TJP3: variants seen among roughly 807,000 people sequenced by gnomAD.
TJP3 encodes tight junction protein ZO-3.
In TJP3, 85 loss-of-function variants were observed where a neutral mutation model predicts 104.2. That is an observed-to-expected ratio of 0.82 (90% CI 0.68 to 0.98). The LOEUF (loss-of-function observed/expected upper bound fraction) is 0.98. Among genes scored for constraint, TJP3 ranks in the 50% least tolerant of loss-of-function variants. The pLI is 0.00. For synonymous variants in TJP3, 550 were observed against 550.6 expected, an observed-to-expected ratio of 1.00 and a Z score of 0.02; for missense variants, 1,367 against 1,322.8, an observed-to-expected ratio of 1.03 and a Z score of -0.52.
In TJP3 at chr19:3,739,013, G is replaced by A. The variant is rs779807105; in HGVS notation, c.1510G>A (p.Val504Met). Residue 504 changes from valine (V) to methionine (M), a missense_variant, in exon 13 of 21, where the codon GTG (valine) becomes ATG (methionine). Transcript: ENST00000541714. ...CTTCACCCGTGGCGACGTCTTCCAC[G>A]TGCTGGACACGCTGCACCCCGGCCC... ...LGFTRGDVFH[V>M]LDTLHPGPGQ... 53 of 1,612,892 alleles carry A rather than the reference G, an allele frequency of 3.3e-5. No homozygotes were observed. The highest frequency in any genetic ancestry group is 4.2e-5 in the Non-Finnish European group (50 of 1,179,798).
intron 1 of TJP3, among the ~76,000 whole-genome samples, chr19:3,709,880 T>G (rs912062241): frequency 6.6e-6 from 1 of 152,140 alleles, no homozygotes; most frequent in Non-Finnish European, 1.5e-5. Flanking sequence ...CCGGGCGCGG[T>G]GGCTCACGCC....
rs1428714570 is a variant in TJP3, at chr19:3,717,994, T to C, written c.-10+9433T>C. 2.3e-4 allele frequency among the ~76,000 whole-genome samples: 34 copies of C among 148,494 alleles called. 1 individual carries two copies. The stretch of plus-strand genomic sequence containing the variant: ...ACTTAGGGAGGCCGAGGGGGGCGGA[T>C]CACAAGGTCAGGAGTTTGAGACCAT... On this transcript the variant is annotated intron_variant, in intron 1 of 20. Transcript: ENST00000541714.
In TJP3 at chr19:3,728,686, C is replaced by T. The variant is rs745722542; in HGVS notation, c.131C>T (p.Pro44Leu). 6.2e-7 allele frequency: 1 copy of T among 1,613,758 alleles called. No individual in the cohort carries two copies. The highest frequency in any genetic ancestry group is 1.7e-5 in the Admixed American group (1 of 59,996). Residue 44 changes from proline to leucine, a missense_variant, in exon 3 of 21, where the codon CCT becomes CTT. Physicochemically the swap from Pro to Leu is moderately conservative, Grantham distance 98 (BLOSUM62 -3). Transcript: ENST00000541714. ...TCCATGGTTGTATCTGACGTGGTAC[C>T]TGGAGGGCCGGCGGAGGGCAGGCTA... ...GGSMVVSDVVPGGPAEGRLQT... is the reference protein window; with the variant it reads ...GGSMVVSDVVLGGPAEGRLQT...
In TJP3 at chr19:3,746,885, G is replaced by A. The variant is rs528568016; in HGVS notation, c.2322+9G>A. 9.4e-6 allele frequency: 15 copies of A among 1,595,630 alleles called. No homozygotes were observed. Among genetic ancestry groups the A allele is most frequent in the Middle Eastern group, 1.9e-4 (1 of 5,384 alleles). ...GGACGGCGGAAGATCAGGTACTGCC[G>A]CGGTGTGGGTGGGTCGGGCAGGGAG... On this transcript the variant is annotated intron_variant, in intron 18 of 20. Transcript: ENST00000541714. The surrounding 1 kb of genome is among the most constrained non-coding windows in gnomAD (Gnocchi z 4.1).
rs746913158 is a variant in TJP3, at chr19:3,746,547, C to T, written c.2073C>T (p.Tyr691=). 2 of 1,614,130 alleles carry T rather than the reference C, an allele frequency of 1.2e-6. No homozygotes were observed. Among genetic ancestry groups the T allele is most frequent in the Non-Finnish European group, 8.5e-7 (1 of 1,180,048 alleles). ...SAIERLNYVQ[Y]YPIVVFFIPE... Reference sequence around the variant, plus strand: ...TCGAGCGCCTCAACTATGTGCAGTACTACCCCATTGTGGTCTTCTTCATCC... The same window carrying T: ...TCGAGCGCCTCAACTATGTGCAGTATTACCCCATTGTGGTCTTCTTCATCC... The change falls in exon 17 of 21, where the codon TAC becomes TAT. Residue 691 remains tyrosine, a synonymous_variant. Transcript: ENST00000541714. The surrounding 1 kb of genome is among the most constrained non-coding windows in gnomAD (Gnocchi z 4.1).
Position 3,716,714 on chromosome 19 carries a change from C to T in TJP3, c.-10+8153C>T, listed in dbSNP as rs113094751. On this transcript the variant is annotated intron_variant, in intron 1 of 20. Transcript: ENST00000541714. The stretch of plus-strand genomic sequence containing the variant: ...GATCATGGATCACTGCAGCCTCGAC[C>T]TCCTGGGCTCAAATGATCCTCCCAC... 3.6e-3 allele frequency among the ~76,000 whole-genome samples: 528 copies of T among 145,372 alleles called. 9 individuals are homozygous for T. The highest frequency in any genetic ancestry group is 0.013 in the African/African-American group (519 of 40,816).
intron 1 of TJP3, among the ~76,000 whole-genome samples, chr19:3,717,930 A>C (rs2036496669): frequency 1.3e-5 from 2 of 150,614 alleles, no homozygotes. Context: ...AAAAAAAAAA[A>C]AAAGGCCGGG....
At chr19:3,710,148 CAAAA>C (rs34705583) in intron 1 of TJP3, among the ~76,000 whole-genome samples, 14 of 88,740 alleles carry the variant, frequency 1.6e-4, no homozygotes, top group African/African-American at 3.9e-4. Context: ...GACTCTGTCT[CAAAA>C]AAAAAAAAAA....
chr19:3,721,878 G>T (rs1212990988), intron 1 of TJP3: 2 of 1,227,818 alleles, frequency 1.6e-6, no homozygotes, highest in East Asian at 3.2e-5. Context: ...GGGCTGGAGA[G>T]CCCCCAGGTG....
At chr19:3,741,036 T>A (rs1190779973) in intron 14 of TJP3, among the ~76,000 whole-genome samples, 1 of 152,064 alleles carries the variant, frequency 6.6e-6, no homozygotes, top group Non-Finnish European at 1.5e-5. Context: ...AGAGTCTTGC[T>A]CTGTCTTAGG....
Position 3,718,209 on chromosome 19 carries a change from AAAAGTGTGTGTGTGTGTGT to A in TJP3, c.-10+9649_-10+9667del, listed in dbSNP as rs1441877717. On this transcript the variant is annotated intron_variant, in intron 1 of 20. Transcript: ENST00000541714. Reference sequence around the variant, plus strand: ...TCCAACTCAAAAAAAAAAAAAAAAAAAAAGTGTGTGTGTGTGTGTGTGTGTGTGTGTGTGTGTGTGTGTG... The same window carrying A: ...TCCAACTCAAAAAAAAAAAAAAAAAAGTGTGTGTGTGTGTGTGTGTGTGTG... 1.2e-4 allele frequency among the ~76,000 whole-genome samples: 12 copies of A among 103,180 alleles called. No homozygotes were observed. The East Asian group carries it at 3.2e-3, about 28-fold the overall frequency. 67.7% of individuals were successfully genotyped at this position (103,180 alleles called of 152,430 possible).
chr19:3,726,245 G>T lies in TJP3; in HGVS notation c.-9-2179G>T, dbSNP rs147325014. Among the ~76,000 whole-genome samples, 739 of 152,336 alleles carry T rather than the reference G, an allele frequency of 4.9e-3. 10 individuals are homozygous for T. Among genetic ancestry groups the T allele is most frequent in the Admixed American group, 0.028 (429 of 15,292 alleles). ...TGGCAGGAGGGAAGGGAGGGTGGAG[G>T]CGTGGCCAGGTGACCTTGCACCTGA... On this transcript the variant is annotated intron_variant, in intron 1 of 20. Coordinates refer to ENST00000541714, the MANE Select transcript of TJP3 (RefSeq NM_001267560.2).
At chr19:3,713,228 G>A (rs1031067001) in intron 1 of TJP3, among the ~76,000 whole-genome samples, 6 of 152,060 alleles carry the variant, frequency 3.9e-5, no homozygotes, top group African/African-American at 9.7e-5. Flanking sequence ...AGACCGGGGC[G>A]TCTCCTCCCA....
At chr19:3,747,415 G>C (rs1333578046) in intron 18 of TJP3, among the ~76,000 whole-genome samples, 1 of 151,916 alleles carries the variant, frequency 6.6e-6, no homozygotes, top group Non-Finnish European at 1.5e-5. Flanking sequence ...CACGCCCATG[G>C]TCCCAGCTAC....
In TJP3 at chr19:3,750,768, T is replaced by C. The variant is rs1599168900; in HGVS notation, c.*84T>C. Reference sequence around the variant, plus strand: ...GTTTCCCATACAGAACCCACAACCTTACCTCCCTCCGCCTGGTCTTTAATA... The same window carrying C: ...GTTTCCCATACAGAACCCACAACCTCACCTCCCTCCGCCTGGTCTTTAATA... On this transcript the variant is annotated 3_prime_UTR_variant, in exon 21 of 21. Coordinates refer to ENST00000541714, the MANE Select transcript of TJP3 (RefSeq NM_001267560.2). 4 of 1,208,342 alleles carry C rather than the reference T, an allele frequency of 3.3e-6. No individual in the cohort carries two copies. The highest frequency in any genetic ancestry group is 2.5e-5 in the East Asian group (1 of 39,344). The allele number at this position is 1,208,342 out of a possible 1,614,324, so 74.9% of individuals were successfully genotyped here. A position where few individuals can be genotyped will look rare whatever the true frequency, so the allele number is the denominator to read the frequency against.
chr19:3,719,385 T>C (rs988361158), intron 1 of TJP3, among the ~76,000 whole-genome samples: 3 of 152,094 alleles, frequency 2.0e-5, no homozygotes, highest in Non-Finnish European at 2.9e-5. Context: ...CAGGAACCCA[T>C]GCTGTGCAAC....
At chr19:3,717,428 T>TAA (rs1555736831) in intron 1 of TJP3, among the ~76,000 whole-genome samples, 10 of 143,062 alleles carry the variant, frequency 7.0e-5, no homozygotes, top group Middle Eastern at 3.7e-3. Context: ...TATATATATA[T>TAA]AATTTTATTT....
chr19:3,736,085 G>A (rs952774067), intron 10 of TJP3, 80 bp from the exon 11 acceptor site: 1 of 1,570,490 alleles, frequency 6.4e-7, no homozygotes, highest in African/African-American at 1.3e-5. Context: ...GGAGGGGGTG[G>A]GGGCTTTCCC....
chr19:3,714,501 A>ACGT (rs1240764508), intron 1 of TJP3, among the ~76,000 whole-genome samples: 2 of 151,900 alleles, frequency 1.3e-5, no homozygotes, highest in Admixed American at 1.3e-4. Flanking sequence ...TTTATTGAGC[A>ACGT]CGTACTGCAT....
Sources: gnomAD v4.1 joint callset for allele counts (sites outside exome capture counted in the v4.1 genomes callset) on GRCh38, gnomAD v4.1.1 for gene constraint, Gnocchi (gnomAD v3.1) non-coding constraint, MANE v1.5 for transcripts, NCBI Gene and HGNC (gene_info 2026-07-23, HGNC 2026-07-21) for gene names.